GPNMB: variants seen among roughly 807,000 people sequenced by gnomAD.
GPNMB encodes the protein transmembrane glycoprotein NMB.
A neutral mutation model predicts 57.3 loss-of-function variants in GPNMB; 71 were observed. The observed-to-expected ratio is 1.24, with a 90% CI of 1.02 to 1.51. The LOEUF is 1.51. Ranked by LOEUF, GPNMB falls within the 40% of genes most tolerant of loss-of-function variation. The pLI is 0.00. For missense variants in GPNMB, 677 were observed against 691.9 expected, an observed-to-expected ratio of 0.98 and a Z score of 0.24; for synonymous variants, 253 against 263.2, an observed-to-expected ratio of 0.96 and a Z score of 0.38.
At chr7:23,248,247 C>T (rs149139952) in intron 1 of GPNMB, among the ~76,000 whole-genome samples, 1 of 152,234 alleles carries the variant, frequency 6.6e-6, no homozygotes, top group East Asian at 1.9e-4. Flanking sequence ...AGACCTGCAC[C>T]CACCCTCAGG....
chr7:23,273,221 A>AG, intron 9 of GPNMB: 1 of 276,212 alleles, frequency 3.6e-6, no homozygotes, highest in Non-Finnish European at 6.7e-6. Flanking sequence ...GCCTGATCAC[A>AG]GGAGCCCTTC....
intron 9 of GPNMB, among the ~76,000 whole-genome samples, chr7:23,272,035 A>G (rs1783219690): frequency 6.6e-6 from 1 of 152,094 alleles, no homozygotes; most frequent in African/African-American, 2.4e-5. Flanking sequence ...GCCTGGGTGG[A>G]GAGCCGGGGA....
rs542987086 is a variant in GPNMB at position 23,253,475 on chromosome 7, C to T, written c.223+16C>T. ...TCCTGGAAGGGTAAGTCAAAAGATT[C>T]AAACCAAACACCTGCAATTTCCTAC... On this transcript the variant is annotated intron_variant, in intron 2 of 10. Coordinates refer to ENST00000258733, the MANE Select transcript of GPNMB (RefSeq NM_002510.3). 1.6e-4 allele frequency: 265 copies of T among 1,608,140 alleles called. 3 individuals are homozygous for T. In the South Asian group the frequency reaches 2.8e-3, roughly 17 times the overall value.
intron 6 of GPNMB, among the ~76,000 whole-genome samples, chr7:23,263,438 C>T (rs1365008142): frequency 6.6e-6 from 1 of 151,748 alleles, no homozygotes; most frequent in African/African-American, 2.4e-5. Context: ...ATGGTGAAAC[C>T]CCGTCTCTAC....
chr7:23,263,250 A>T (rs1224641473), intron 6 of GPNMB, among the ~76,000 whole-genome samples: 1 of 152,214 alleles, frequency 6.6e-6, no homozygotes, highest in Non-Finnish European at 1.5e-5. Context: ...TTTTAAAAAT[A>T]TATTTGAAGC....
chr7:23,258,643 T>G (rs1782837877), intron 4 of GPNMB, among the ~76,000 whole-genome samples: 1 of 152,136 alleles, frequency 6.6e-6, no homozygotes, highest in Non-Finnish European at 1.5e-5. Flanking sequence ...TGAATTTCTG[T>G]CTTCCACTGA....
intron 1 of GPNMB, chr7:23,247,682 C>G (rs568649559): frequency 1.3e-5 from 2 of 152,382 alleles, no homozygotes; most frequent in Admixed American, 6.5e-5. Context: ...CGGCCAAAGG[C>G]GCAGCGGCTT....
In GPNMB at chr7:23,251,560, C is replaced by A. The variant is rs191539947; in HGVS notation, c.71-1747C>A. Among the ~76,000 whole-genome samples the A allele has an allele frequency of 1.2e-4, 18 of 152,312 alleles. No individual in the cohort carries two copies. In the South Asian group the frequency reaches 2.5e-3, roughly 21 times the overall value. On this transcript the variant is annotated intron_variant, in intron 1 of 10. Coordinates refer to ENST00000258733, the MANE Select transcript of GPNMB (RefSeq NM_002510.3). ...AACAGTTTCATTGAAGGCTCCATTT[C>A]TTTTCATCTTTCCACTCTGACACCC...
chr7:23,266,535 C>A lies in GPNMB; in HGVS notation c.1037C>A (p.Pro346His). 1 of 1,613,082 alleles carries A rather than the reference C, an allele frequency of 6.2e-7. No homozygotes were observed. Among genetic ancestry groups the A allele is most frequent in the Non-Finnish European group, 8.5e-7 (1 of 1,179,092 alleles). Residue 346 changes from proline to histidine, a missense_variant, in exon 7 of 11, where the codon CCC becomes CAC. Pro to His is a moderately conservative substitution (Grantham distance 77). Coordinates refer to ENST00000258733, the MANE Select transcript of GPNMB (RefSeq NM_002510.3). Reference sequence around the variant, plus strand: ...ACCCCAGGACCTGCTGGTGACAACCCCCTGGAGCTGAGTAGGATTCCTGAT... The same window carrying A: ...ACCCCAGGACCTGCTGGTGACAACCACCTGGAGCTGAGTAGGATTCCTGAT... The part of the protein sequence containing the change: ...TPSLGPAGDN[P>H]LELSRIPDEN...
chr7:23,269,957 CCT>C lies in GPNMB; in HGVS notation c.1221-9_1221-8del. The C allele has an allele frequency of 6.2e-7, 1 of 1,610,684 alleles. No individual in the cohort carries two copies. The highest frequency in any genetic ancestry group is 8.5e-7 in the Non-Finnish European group (1 of 1,177,042). On this transcript the variant is annotated splice_polypyrimidine_tract_variant and splice_region_variant and intron_variant, in intron 8 of 10. Coordinates refer to ENST00000258733, the MANE Select transcript of GPNMB (RefSeq NM_002510.3). The stretch of plus-strand genomic sequence containing the variant: ...GCCCTGTGCGCCCTCGCCCACCTCC[CCT>C]GTCGCAGCATTCCCACGGAGGTCTG...
chr7:23,262,608 C>CTT (rs58011121), intron 6 of GPNMB, among the ~76,000 whole-genome samples: 1,914 of 62,852 alleles, frequency 0.03, 500 homozygotes, highest in South Asian at 0.066. Context: ...TCACCATTCT[C>CTT]TTTTTTTTTT....
Position 23,274,054 on chromosome 7 carries a change from A to G in GPNMB, c.1524-11A>G. On this transcript the variant is annotated splice_polypyrimidine_tract_variant and intron_variant, in intron 10 of 10. Coordinates refer to ENST00000258733, the MANE Select transcript of GPNMB (RefSeq NM_002510.3). ...TCTTTTAAAAATAACTAACCAACAG[A>G]TTGTTTTCAGAAAACACAAGGAATA... 6.3e-7 allele frequency: 1 copy of G among 1,587,688 alleles called. No homozygotes were observed. Among genetic ancestry groups the G allele is most frequent in the African/African-American group, 1.4e-5 (1 of 73,598 alleles).
rs1783285102 is a variant in GPNMB, at chr7:23,274,285, G to T, written c.*61G>T. ...CCATTGATGTGAGATGTGCTGGAGTGGCTATTAACCTTTTTTTCCTAAAGA... is the reference window on the plus strand; with the variant it reads ...CCATTGATGTGAGATGTGCTGGAGTTGCTATTAACCTTTTTTTCCTAAAGA... On this transcript the variant is annotated 3_prime_UTR_variant, in exon 11 of 11. Transcript: ENST00000258733. 1 of 1,261,074 alleles carries T rather than the reference G, an allele frequency of 7.9e-7. No homozygotes were observed. Among genetic ancestry groups the T allele is most frequent in the African/African-American group, 1.5e-5 (1 of 66,414 alleles). The allele number at this position is 1,261,074 out of a possible 1,614,324, so 78.1% of individuals were successfully genotyped here.
rs138282862 is a variant in GPNMB at position 23,257,050 on chromosome 7, G to A, written c.526G>A (p.Val176Ile). Residue 176 changes from valine to isoleucine, a missense_variant, in exon 4 of 11, where the codon GTC becomes ATC. Transcript: ENST00000258733. ...ATGGAGAAGATGGAATTTCATCTAC[G>A]TCTTCCACACACTTGGTTGGCTTTT... ...PGWRRWNFIYVFHTLGQYFQK... is the reference protein window; with the variant it reads ...PGWRRWNFIYIFHTLGQYFQK... 128 of 1,613,864 alleles carry A rather than the reference G, an allele frequency of 7.9e-5. No individual in the cohort carries two copies. Among genetic ancestry groups the A allele is most frequent in the African/African-American group, 2.8e-4 (21 of 74,908 alleles).
At chr7:23,251,581 C>T (rs909096252) in intron 1 of GPNMB, among the ~76,000 whole-genome samples, 7 of 152,240 alleles carry the variant, frequency 4.6e-5, no homozygotes, top group African/African-American at 1.7e-4. Context: ...TCCACTCTGA[C>T]ACCCTTAATG....
At chr7:23,273,334 C>T in intron 9 of GPNMB, 187 bp from the exon 10 acceptor site, 1 of 563,490 alleles carries the variant, frequency 1.8e-6, no homozygotes, top group Non-Finnish European at 3.1e-6. Flanking sequence ...CATGCTGACT[C>T]ATTCTCTAAA....
chr7:23,269,682 T>C (rs896788640), intron 8 of GPNMB, among the ~76,000 whole-genome samples: 5 of 152,086 alleles, frequency 3.3e-5, no homozygotes, highest in Admixed American at 3.3e-4. Context: ...GAGCTGGGCT[T>C]CACGTGGTTT....
In GPNMB at chr7:23,270,147, G is replaced by A. The variant is rs1250293574; in HGVS notation, c.1401G>A (p.Thr467=). The part of the protein sequence containing the change: ...TLGDDTSLAL[T]STLISVPDRD... ...GGGATGACACAAGCCTGGCTCTCAC[G>A]AGCACCCTGATTTCTGTTCCTGACA... The change falls in exon 9 of 11, where the codon ACG becomes ACA. Residue 467 remains threonine (T), a synonymous_variant. Coordinates refer to ENST00000258733, the MANE Select transcript of GPNMB (RefSeq NM_002510.3). 5.0e-6 allele frequency: 8 copies of A among 1,614,062 alleles called. No homozygotes were observed. Among genetic ancestry groups the A allele is most frequent in the African/African-American group, 1.3e-5 (1 of 75,048 alleles).
rs142450741 is a variant in GPNMB, at chr7:23,254,213, G to A, written c.268G>A (p.Val90Met). 39 of 1,614,074 alleles carry A rather than the reference G, an allele frequency of 2.4e-5. No individual in the cohort carries two copies. The highest frequency in any genetic ancestry group is 2.9e-5 in the Non-Finnish European group (34 of 1,179,962). The change falls in exon 3 of 11, where the codon GTG becomes ATG. Residue 90 changes from valine to methionine, a missense_variant. Transcript: ENST00000258733. ...AVLTSDSPAL[V>M]GSNITFAVNL... ...CCTGACCAGTGACTCACCAGCCCTC[G>A]TGGGCTCAAATATAACATTTGCGGT...
Sources: gnomAD v4.1 joint callset for allele counts (sites outside exome capture counted in the v4.1 genomes callset) on GRCh38, gnomAD v4.1.1 for gene constraint, MANE v1.5 for transcripts, NCBI Gene and HGNC (gene_info 2026-07-23, HGNC 2026-07-21) for gene names.